CLEC2A: variants seen among roughly 807,000 people sequenced by gnomAD.
CLEC2A encodes the protein keratinocyte-associated C-type lectin.
In CLEC2A, 19 loss-of-function variants were observed where a neutral mutation model predicts 18.6. That is an observed-to-expected ratio of 1.02 (90% CI 0.71 to 1.50). The LOEUF (loss-of-function observed/expected upper bound fraction) is 1.50, where lower values mean the gene tolerates loss of function less well. Ranked by LOEUF, CLEC2A falls within the 40% of genes most tolerant of loss-of-function variation. The probability of loss-of-function intolerance (pLI) is 0.00; values close to 1 mark genes in which losing one functional copy is unlikely to be tolerated. For synonymous variants in CLEC2A, 74 were observed against 64.0 expected (o/e 1.16, Z -0.75); for missense variants, 190 against 207.9 (o/e 0.91, Z 0.53).
chr12:9,895,628 T>G (rs1056866217), downstream of CLEC2A: 1 of 1,438,060 alleles, frequency 7.0e-7, no homozygotes, highest in Non-Finnish European at 9.1e-7. Flanking sequence ...TGGAGAAAAC[T>G]TTAAAAGATA....
At chr12:9,893,589 T>G in the CLEC2A span, 1 of 664,750 alleles carries the variant, frequency 1.5e-6, no homozygotes, top group Non-Finnish European at 2.4e-6. Flanking sequence ...ATAGAATTAT[T>G]TTTATATTAA....
the CLEC2A span, among the ~76,000 whole-genome samples, chr12:9,878,753 G>A: frequency 6.6e-6 from 1 of 152,094 alleles, no homozygotes; most frequent in African/African-American, 2.4e-5. Flanking sequence ...ATGGAGGGTG[G>A]GGGAACAGTT....
At chr12:9,899,263 A>G (rs1438156510) in intron 4 of CLEC2A, among the ~76,000 whole-genome samples, 1 of 152,206 alleles carries the variant, frequency 6.6e-6, no homozygotes, top group Non-Finnish European at 1.5e-5. Flanking sequence ...GGAGTGTCCC[A>G]TAGTACAGAG....
At chr12:9,899,896 C>T (rs1013196959) in intron 4 of CLEC2A, among the ~76,000 whole-genome samples, 2 of 152,172 alleles carry the variant, frequency 1.3e-5, no homozygotes, top group Non-Finnish European at 2.9e-5. Flanking sequence ...AGTTTTCTTT[C>T]CTAGGGCTTT....
chr12:9,893,413 A>C, the CLEC2A span: 1 of 1,157,022 alleles, frequency 8.6e-7, no homozygotes, highest in Non-Finnish European at 1.2e-6. Flanking sequence ...GAATAAATGC[A>C]CTATTTCTTC....
intron 4 of CLEC2A, chr12:9,899,027 G>T (rs59516064): frequency 2.9e-6 from 2 of 693,560 alleles, no homozygotes; most frequent in Admixed American, 2.0e-5. Flanking sequence ...ATATCAAAAC[G>T]AAACAAAACA....
chr12:9,880,670 C>T, the CLEC2A span, among the ~76,000 whole-genome samples: 7 of 152,210 alleles, frequency 4.6e-5, no homozygotes, highest in Admixed American at 2.6e-4. Flanking sequence ...CAAAGTCCAC[C>T]GTCTGTAGAA....
chr12:9,892,892 T>G, the CLEC2A span: 6 of 801,340 alleles, frequency 7.5e-6, no homozygotes, highest in South Asian at 1.2e-4. Context: ...TCTGAACTCC[T>G]TTTTATTGAC....
At chr12:9,897,384 T>C (rs138780083), downstream of CLEC2A, among the ~76,000 whole-genome samples, 75 of 152,064 alleles carry the variant, frequency 4.9e-4, no homozygotes, top group East Asian at 0.011. Flanking sequence ...TTTTTCAGTA[T>C]ATTAAAGATT....
downstream of CLEC2A, chr12:9,895,735 A>G (rs771479152): frequency 2.6e-6 from 4 of 1,535,742 alleles, no homozygotes; most frequent in East Asian, 2.4e-5. Flanking sequence ...TGCCGTTATC[A>G]CAGGAAACTG....
chr12:9,885,349 A>ATC, the CLEC2A span, among the ~76,000 whole-genome samples: 1 of 140,492 alleles, frequency 7.1e-6, no homozygotes, highest in Non-Finnish European at 1.6e-5. Context: ...ATATATATAT[A>ATC]TTAAGACCCA....
At chr12:9,928,395 G>A (rs901160319) in intron 1 of CLEC2A, among the ~76,000 whole-genome samples, 1 of 152,124 alleles carries the variant, frequency 6.6e-6, no homozygotes, top group Non-Finnish European at 1.5e-5. Context: ...GAACCCAGGA[G>A]GCGGAGGCTG....
At chr12:9,904,172 C>T (rs113286088) in intron 4 of CLEC2A, among the ~76,000 whole-genome samples, 228 of 152,326 alleles carry the variant, frequency 1.5e-3, no homozygotes, top group African/African-American at 5.4e-3. Flanking sequence ...CAAGGTAAAA[C>T]TGGCATCAGG....
chr12:9,892,903 C>CAAAAA, the CLEC2A span: 7 of 775,724 alleles, frequency 9.0e-6, no homozygotes, highest in African/African-American at 1.8e-5. Flanking sequence ...TTTTATTGAC[C>CAAAAA]AAAAAAAAAA....
At chr12:9,884,816 A>T in the CLEC2A span, 1 of 385,994 alleles carries the variant, frequency 2.6e-6, no homozygotes, top group Non-Finnish European at 4.6e-6. Flanking sequence ...ATTTTCATTT[A>T]ATCATAAATT....
At chr12:9,915,927 A>T (rs1212321963) in intron 4 of CLEC2A, among the ~76,000 whole-genome samples, 2 of 152,032 alleles carry the variant, frequency 1.3e-5, no homozygotes, top group African/African-American at 4.8e-5. Flanking sequence ...CTTATTTATA[A>T]GTATAATTTG....
At chr12:9,881,797 T>A in the CLEC2A span, 2 of 684,776 alleles carry the variant, frequency 2.9e-6, no homozygotes, top group Non-Finnish European at 4.8e-6. Flanking sequence ...AAATTGTCTG[T>A]TAGATTATTT....
chr12:9,922,953 G>A (rs1006877335), intron 2 of CLEC2A, among the ~76,000 whole-genome samples: 7 of 152,168 alleles, frequency 4.6e-5, no homozygotes, highest in Non-Finnish European at 8.8e-5. Context: ...GTAGTGCTCA[G>A]AAGTGGATAC....
chr12:9,922,022 A>G (rs1863180951), intron 3 of CLEC2A, 44 bp downstream of exon 3: 12 of 1,423,784 alleles, frequency 8.4e-6, no homozygotes, highest in Non-Finnish European at 1.1e-5. Flanking sequence ...ATGTTTTTAT[A>G]CAAACAATCT....
Sources: gnomAD v4.1 joint callset for allele counts (sites outside exome capture counted in the v4.1 genomes callset) on GRCh38, gnomAD v4.1.1 for gene constraint, MANE v1.5 for transcripts, NCBI Gene and HGNC (gene_info 2026-07-23, HGNC 2026-07-21) for gene names.